Variants in PCDHA10 observed in about 807,000 individuals in gnomAD.
PCDHA10 encodes the protein protocadherin alpha 10, also known as protocadherin alpha-10.
In PCDHA10, 45 loss-of-function variants were observed where a neutral mutation model predicts 61.2. That is an observed-to-expected ratio of 0.74 (90% confidence interval 0.58 to 0.94). The LOEUF is 0.94. PCDHA10 is among the 40% of genes least tolerant of loss of function. PCDHA10 has a pLI of 0.00. For synonymous variants in PCDHA10, 602 were observed against 548.8 expected (o/e 1.10, Z -1.35); for missense variants, 1,278 against 1,236.2 (o/e 1.03, Z -0.51).
At chr5:140,966,246 G>T (rs184430396) in intron 1 of PCDHA10, 5 of 319,412 alleles carry the variant, frequency 1.6e-5, no homozygotes, top group African/African-American at 6.4e-5. Flanking sequence ...TTAAGCAGGG[G>T]AGAGACGGTG....
At chr5:140,987,334 C>A (rs925665306) in intron 3 of PCDHA10, among the ~76,000 whole-genome samples, 1 of 152,086 alleles carries the variant, frequency 6.6e-6, no homozygotes, top group East Asian at 1.9e-4. Flanking sequence ...AAGAACTGGT[C>A]TAAGGTAAAT....
intron 1 of PCDHA10, among the ~76,000 whole-genome samples, chr5:140,945,224 T>C (rs1563213002): frequency 6.6e-6 from 1 of 152,016 alleles, no homozygotes; most frequent in Non-Finnish European, 1.5e-5. Context: ...ATAAAAATAC[T>C]TAGGAATAAA....
At chr5:140,861,347 G>C (rs2046872625) in intron 1 of PCDHA10, 2 of 297,216 alleles carry the variant, frequency 6.7e-6, no homozygotes, top group Non-Finnish European at 6.8e-6. Context: ...GGCCAAGGAC[G>C]GCACATAGCG....
At chr5:140,944,292 A>G (rs1330492011) in intron 1 of PCDHA10, among the ~76,000 whole-genome samples, 1 of 152,090 alleles carries the variant, frequency 6.6e-6, no homozygotes, top group Non-Finnish European at 1.5e-5. Context: ...GGCTCAAGCG[A>G]TCCTCCTACC....
At chr5:140,875,841 G>A in intron 1 of PCDHA10, 2 of 1,614,164 alleles carry the variant, frequency 1.2e-6, no homozygotes, top group Non-Finnish European at 1.7e-6. Flanking sequence ...ACGTGGAGGT[G>A]AAGGACATTA....
intron 1 of PCDHA10, among the ~76,000 whole-genome samples, chr5:140,900,475 C>G (rs2153470131): frequency 6.6e-6 from 1 of 152,298 alleles, no homozygotes; most frequent in East Asian, 1.9e-4. Flanking sequence ...CGGAGTTTCT[C>G]CATGTTGGTC....
intron 1 of PCDHA10, among the ~76,000 whole-genome samples, chr5:140,977,969 C>T (rs1554238945): frequency 6.6e-6 from 1 of 152,114 alleles, no homozygotes; most frequent in African/African-American, 2.4e-5. Context: ...AATCTCCGCC[C>T]ATGAAAACGC....
intron 1 of PCDHA10, among the ~76,000 whole-genome samples, chr5:140,874,637 AC>A (rs1177845104): frequency 4.6e-5 from 7 of 152,256 alleles, no homozygotes; most frequent in African/African-American, 1.7e-4. Flanking sequence ...AAAGTGCTTT[AC>A]TTTTGCTAGA....
intron 2 of PCDHA10, chr5:140,982,255 G>A (rs1226877967): frequency 1.6e-5 from 13 of 791,614 alleles, no homozygotes; most frequent in South Asian, 1.3e-4. Context: ...GATAGAACAT[G>A]TGTGTTCCTG....
chr5:140,879,204 G>A (rs1041591784), intron 1 of PCDHA10, among the ~76,000 whole-genome samples: 3 of 152,328 alleles, frequency 2.0e-5, no homozygotes, highest in Admixed American at 6.5e-5. Flanking sequence ...AATTATGGCA[G>A]TAGAAATGAA....
At chr5:140,981,289 C>G (rs1554242771) in intron 2 of PCDHA10, among the ~76,000 whole-genome samples, 1 of 152,138 alleles carries the variant, frequency 6.6e-6, no homozygotes, top group Non-Finnish European at 1.5e-5. Flanking sequence ...AAAGGGTCCT[C>G]TAGTCTAGGT....
intron 1 of PCDHA10, among the ~76,000 whole-genome samples, chr5:140,933,690 T>A (rs1382967033): frequency 1.3e-5 from 2 of 152,048 alleles, no homozygotes; most frequent in Non-Finnish European, 2.9e-5. Flanking sequence ...TTTTTCCTAT[T>A]CCTCGGACAC....
At position 140,941,246 on chromosome 5, in the gene PCDHA10, T is replaced by TCCTTC. The variant is rs1465255424; in HGVS notation, c.2389-37702_2389-37701insCTTCC. Among the ~76,000 whole-genome samples, 4 of 141,078 alleles carry TCCTTC rather than the reference T, an allele frequency of 2.8e-5. No individual in the cohort carries two copies. In the East Asian group the frequency reaches 8.2e-4, roughly 29 times the overall value. 92.6% of individuals were successfully genotyped at this position (141,078 alleles called of 152,430 possible). On this transcript the variant is annotated intron_variant, in intron 1 of 3. Coordinates refer to ENST00000307360, the MANE Select transcript of PCDHA10 (RefSeq NM_018901.4). Reference sequence around the variant, plus strand: ...TTCTTTCTTTCTTTCTTTCTTTCTTTCTTTCTTTCTCTTTCTTTCTTTCTT... The same window carrying TCCTTC: ...TTCTTTCTTTCTTTCTTTCTTTCTTTCCTTCCTTTCTTTCTCTTTCTTTCTTTCTT...
chr5:140,928,522 T>G lies in PCDHA10; in HGVS notation c.2389-50427T>G, dbSNP rs373009645. The G allele has an allele frequency of 4.3e-6, 7 of 1,614,150 alleles. No homozygotes were observed. Among genetic ancestry groups the G allele is most frequent in the African/African-American group, 1.3e-5 (1 of 75,032 alleles). On this transcript the variant is annotated intron_variant, in intron 1 of 3. Coordinates refer to ENST00000307360, the MANE Select transcript of PCDHA10 (RefSeq NM_018901.4). ...AAGTGCAACAGTGACTATAAACTTG[T>G]TTGTGGTAGATAGGAATGACAATTA...
At chr5:140,868,397 GATATGAA>G (rs1182982921) in intron 1 of PCDHA10, 2 of 152,062 alleles carry the variant, frequency 1.3e-5, no homozygotes, top group African/African-American at 2.4e-5. Flanking sequence ...ATAGAAAATA[GATATGAA>G]AATGCAAGCC....
intron 1 of PCDHA10, among the ~76,000 whole-genome samples, chr5:140,947,890 G>A (rs1233922642): frequency 1.3e-5 from 2 of 151,506 alleles, no homozygotes; most frequent in African/African-American, 4.8e-5. Context: ...AATATAAACA[G>A]AAGTGGTGAG....
At chr5:140,871,639 A>T in intron 1 of PCDHA10, 1 of 1,347,750 alleles carries the variant, frequency 7.4e-7, no homozygotes, top group East Asian at 2.5e-5. Context: ...CTGTTCATAA[A>T]ATACCAAATG....
intron 3 of PCDHA10, among the ~76,000 whole-genome samples, chr5:140,995,133 T>C (rs1397108502): frequency 6.6e-6 from 1 of 152,230 alleles, no homozygotes; most frequent in Non-Finnish European, 1.5e-5. Flanking sequence ...TGAAACCTCA[T>C]TTAGTACTGA....
At chr5:140,942,361 G>A (rs1554214935) in intron 1 of PCDHA10, among the ~76,000 whole-genome samples, 1 of 151,920 alleles carries the variant, frequency 6.6e-6, no homozygotes, top group East Asian at 1.9e-4. Context: ...GCAGTTAACG[G>A]AGATTGCACC....
Sources: allele counts gnomAD v4.1 joint callset (sites outside exome capture counted in the v4.1 genomes callset), GRCh38; gene constraint gnomAD v4.1.1; transcripts MANE v1.5; gene names NCBI Gene and HGNC (gene_info 2026-07-23, HGNC 2026-07-21).